ARHGAP10: variants seen among roughly 807,000 people sequenced by gnomAD.
ARHGAP10 encodes Rho GTPase activating protein 10.
Under a neutral mutation model 108.6 loss-of-function variants are expected in ARHGAP10, and 87 were observed. That is an observed-to-expected ratio of 0.80 (90% CI 0.67 to 0.96). ARHGAP10 has a LOEUF of 0.96. Ranked by LOEUF, ARHGAP10 falls within the 40% of genes least tolerant of loss-of-function variation. The pLI, the probability that ARHGAP10 is intolerant of heterozygous loss-of-function variation, is 0.00. For synonymous variants in ARHGAP10, 347 were observed against 341.1 expected (o/e 1.02, Z -0.19); for missense variants, 939 against 954.5 (o/e 0.98, Z 0.21).
At chr4:147,758,416 T>A (rs1335602086) in intron 1 of ARHGAP10, among the ~76,000 whole-genome samples, 2 of 152,354 alleles carry the variant, frequency 1.3e-5, no homozygotes, top group East Asian at 3.9e-4. Context: ...TCAATGGCTT[T>A]TAGTGTAGTC....
chr4:147,922,266 G>T, intron 13 of ARHGAP10, among the ~76,000 whole-genome samples: 1 of 152,080 alleles, frequency 6.6e-6, no homozygotes. Context: ...CAGGCACTCA[G>T]ATTACTCTGC....
At chr4:147,791,535 CGCGCGCGTGCGT>C (rs749605277) in intron 1 of ARHGAP10, among the ~76,000 whole-genome samples, 12 of 151,814 alleles carry the variant, frequency 7.9e-5, no homozygotes, top group African/African-American at 2.4e-4. Flanking sequence ...TGTGTGTGTG[CGCGCGCGTGCGT>C]GCGCGCGTGT....
intron 1 of ARHGAP10, among the ~76,000 whole-genome samples, chr4:147,791,084 A>G (rs1478733227): frequency 6.6e-6 from 1 of 151,744 alleles, no homozygotes; most frequent in African/African-American, 2.4e-5. Context: ...ACTTTATGAA[A>G]ATAACAGCAA....
chr4:147,902,022 C>T (rs999029126), intron 10 of ARHGAP10, among the ~76,000 whole-genome samples: 9 of 152,112 alleles, frequency 5.9e-5, no homozygotes, highest in South Asian at 2.1e-4. Flanking sequence ...TGCAGTGGTT[C>T]GTGATTGTCA....
chr4:147,810,311 C>T lies in ARHGAP10; in HGVS notation c.155-12416C>T, dbSNP rs537116362. Among the ~76,000 whole-genome samples, 4 of 152,250 alleles carry T rather than the reference C, an allele frequency of 2.6e-5. No homozygotes were observed. In the South Asian group the frequency reaches 8.3e-4, roughly 32 times the overall value. ...AGTTGGAAACATTTTTTGGTGTTTA[C>T]TAGTGATTTCTATTTATTTTGTGAA... On this transcript the variant is annotated intron_variant, in intron 1 of 22. Coordinates refer to ENST00000336498, the MANE Select transcript of ARHGAP10 (RefSeq NM_024605.4).
intron 1 of ARHGAP10, among the ~76,000 whole-genome samples, chr4:147,746,967 C>G (rs1286592652): frequency 6.6e-6 from 1 of 152,130 alleles, no homozygotes; most frequent in Non-Finnish European, 1.5e-5. Flanking sequence ...TGGTTTTCCT[C>G]ATAGTCTGTT....
At chr4:148,040,721 T>A (rs1728596413) in intron 19 of ARHGAP10, among the ~76,000 whole-genome samples, 1 of 152,196 alleles carries the variant, frequency 6.6e-6, no homozygotes. Context: ...TGGCTAATGG[T>A]CCCTCTGGTT....
chr4:147,832,340 A>G (rs1241336113), intron 3 of ARHGAP10, among the ~76,000 whole-genome samples: 1 of 151,234 alleles, frequency 6.6e-6, no homozygotes, highest in African/African-American at 2.4e-5. Flanking sequence ...TTGACCACTT[A>G]ATTTTTTTTT....
chr4:147,763,415 G>T (rs1360783556), intron 1 of ARHGAP10, among the ~76,000 whole-genome samples: 1 of 151,524 alleles, frequency 6.6e-6, no homozygotes, highest in Non-Finnish European at 1.5e-5. Context: ...GGGTTCAAGC[G>T]ATTCTCCTGC....
intron 12 of ARHGAP10, among the ~76,000 whole-genome samples, chr4:147,910,609 A>T (rs537116661): frequency 6.6e-6 from 1 of 152,334 alleles, no homozygotes; most frequent in South Asian, 2.1e-4. Flanking sequence ...ATATTCAAGG[A>T]CAACGATCTT....
chr4:147,865,059 G>A, intron 6 of ARHGAP10, 103 bp downstream of exon 6: 1 of 959,106 alleles, frequency 1.0e-6, no homozygotes, highest in Non-Finnish European at 1.6e-6. Flanking sequence ...AGGCCATAGT[G>A]CATAAACATG....
chr4:147,782,892 A>G lies in ARHGAP10; in HGVS notation c.155-39835A>G, dbSNP rs1006321296. On this transcript the variant is annotated intron_variant, in intron 1 of 22. Coordinates refer to ENST00000336498, the MANE Select transcript of ARHGAP10 (RefSeq NM_024605.4). ...AAACAACATAAAATATATATAACAT[A>G]TATTACGTATTATATATAATATATA... Among the ~76,000 whole-genome samples the G allele has an allele frequency of 3.5e-5, 5 of 143,362 alleles. No homozygotes were observed. The South Asian group carries it at 1.1e-3, about 30-fold the overall frequency. 94.1% of individuals were successfully genotyped at this position (143,362 alleles called of 152,430 possible). A position where few individuals can be genotyped will look rare whatever the true frequency, so the allele number is the denominator to read the frequency against.
intron 1 of ARHGAP10, among the ~76,000 whole-genome samples, chr4:147,733,118 C>A (rs757258362): frequency 6.6e-6 from 1 of 152,174 alleles, no homozygotes; most frequent in African/African-American, 2.4e-5. Flanking sequence ...AGCCTGCCCT[C>A]TAGCCTAGGC....
chr4:147,999,326 T>A (rs2149642962), intron 18 of ARHGAP10, among the ~76,000 whole-genome samples: 1 of 152,370 alleles, frequency 6.6e-6, no homozygotes, highest in South Asian at 2.1e-4. Flanking sequence ...ATGGCTACCC[T>A]CTTTGGGTAC....
At chr4:147,881,441 C>G (rs1416570159) in intron 9 of ARHGAP10, among the ~76,000 whole-genome samples, 1 of 151,632 alleles carries the variant, frequency 6.6e-6, no homozygotes. Context: ...AGATTGACAC[C>G]AGCCTGGCCA....
chr4:148,066,868 G>C (rs1424191611), intron 22 of ARHGAP10, among the ~76,000 whole-genome samples: 1 of 152,232 alleles, frequency 6.6e-6, no homozygotes, highest in Non-Finnish European at 1.5e-5. Flanking sequence ...AGACGTATGG[G>C]GGAGAGGCTG....
chr4:147,755,070 G>A (rs1729312639), intron 1 of ARHGAP10, among the ~76,000 whole-genome samples: 1 of 146,598 alleles, frequency 6.8e-6, no homozygotes, highest in South Asian at 2.2e-4. Context: ...CGACAAGAGT[G>A]AAACTCCGTC....
chr4:147,899,780 A>C (rs1178430406), intron 10 of ARHGAP10, among the ~76,000 whole-genome samples: 1 of 152,000 alleles, frequency 6.6e-6, no homozygotes, highest in Non-Finnish European at 1.5e-5. Context: ...CTCTATGAGA[A>C]ACTGATTACA....
intron 12 of ARHGAP10, among the ~76,000 whole-genome samples, chr4:147,910,104 C>T (rs1736672844): frequency 6.6e-6 from 1 of 152,060 alleles, no homozygotes; most frequent in South Asian, 2.1e-4. Context: ...ACCTCCTGGG[C>T]TCAAGTGATC....
Sources: gnomAD v4.1 joint callset for allele counts (sites outside exome capture counted in the v4.1 genomes callset) on GRCh38, gnomAD v4.1.1 for gene constraint, MANE v1.5 for transcripts, NCBI Gene and HGNC (gene_info 2026-07-23, HGNC 2026-07-21) for gene names.